MAML3: variants seen among roughly 807,000 people sequenced by gnomAD.
MAML3 encodes the protein mastermind-like protein 3.
Under a neutral mutation model 101.9 loss-of-function variants are expected in MAML3, and 27 were observed. The observed-to-expected ratio is 0.27, with a 90% confidence interval of 0.20 to 0.37. MAML3 has a LOEUF of 0.37. Ranked by LOEUF, MAML3 falls within the 10% of genes least tolerant of loss-of-function variation. MAML3 has a pLI of 1.00. For missense variants in MAML3, 1,316 were observed against 1,444.9 expected (o/e 0.91, Z 1.45); for synonymous variants, 501 against 555.9 (o/e 0.90, Z 1.39).
At chr4:139,761,590 A>G (rs561290427) in intron 2 of MAML3, among the ~76,000 whole-genome samples, 1 of 152,332 alleles carries the variant, frequency 6.6e-6, no homozygotes, top group South Asian at 2.1e-4. Context: ...ACAGATGCAT[A>G]TTCATCCAGC....
At chr4:140,021,633 C>A (rs1292455397) in intron 1 of MAML3, among the ~76,000 whole-genome samples, 2 of 152,140 alleles carry the variant, frequency 1.3e-5, no homozygotes, top group African/African-American at 4.8e-5. Context: ...TCTCTTCCCT[C>A]TCTGATTCCT....
chr4:140,115,210 TGAGTTAGCACTATTTTTGA>T (rs1728499051), intron 1 of MAML3, among the ~76,000 whole-genome samples: 2 of 152,250 alleles, frequency 1.3e-5, no homozygotes, highest in Admixed American at 1.3e-4. Context: ...AACTTCCATA[TGAGTTAGCACTATTTTTGA>T]GTTATTCATA....
At chr4:140,095,749 G>C (rs1728149225) in intron 1 of MAML3, among the ~76,000 whole-genome samples, 1 of 151,986 alleles carries the variant, frequency 6.6e-6, no homozygotes, top group African/African-American at 2.4e-5. Flanking sequence ...CTTGCAGCAG[G>C]GACCTGCACT....
At position 140,091,548 on chromosome 4, in the gene MAML3, C is replaced by CA. The variant is rs58455997; in HGVS notation, c.468+61311dup. Among the ~76,000 whole-genome samples the CA allele has an allele frequency of 6.4e-3, 779 of 121,094 alleles. 26 individuals carry two copies. Among genetic ancestry groups the CA allele is most frequent in the African/African-American group, 0.022 (695 of 32,032 alleles). 79.4% of individuals were successfully genotyped at this position (121,094 alleles called of 152,430 possible). A position where few individuals can be genotyped will look rare whatever the true frequency, so the allele number is the denominator to read the frequency against. ...ACAAAACAACAAAACAAAAACAAAA[C>CA]AAAAAAAAAAAACAGGACCAAGGAC... On this transcript the variant is annotated intron_variant, in intron 1 of 4. Transcript: ENST00000509479.
chr4:139,754,356 C>G (rs775197518), intron 2 of MAML3, among the ~76,000 whole-genome samples: 2 of 152,182 alleles, frequency 1.3e-5, no homozygotes, highest in Non-Finnish European at 2.9e-5. Context: ...AATGGGAAAG[C>G]AAAATCACTG....
chr4:139,918,643 T>C (rs1237805928), intron 1 of MAML3, among the ~76,000 whole-genome samples: 1 of 152,258 alleles, frequency 6.6e-6, no homozygotes, highest in Non-Finnish European at 1.5e-5. Context: ...CATTTGAGTG[T>C]AAGCTCCTTG....
intron 1 of MAML3, among the ~76,000 whole-genome samples, chr4:139,968,225 C>G (rs1734173069): frequency 6.7e-6 from 1 of 149,906 alleles, no homozygotes; most frequent in Non-Finnish European, 1.5e-5. Flanking sequence ...GCATGAGAAT[C>G]ACTGAACCTC....
chr4:139,883,086 C>T (rs565857521), intron 2 of MAML3, among the ~76,000 whole-genome samples: 28 of 152,146 alleles, frequency 1.8e-4, no homozygotes, highest in Non-Finnish European at 3.1e-4. Flanking sequence ...GGTGGTGAAA[C>T]GTTCCAAGAA....
chr4:139,860,240 G>C (rs1356597557), intron 2 of MAML3, among the ~76,000 whole-genome samples: 1 of 152,220 alleles, frequency 6.6e-6, no homozygotes. Context: ...GCGCCCAAAA[G>C]AGGAGGCCTG....
At chr4:140,023,466 G>A (rs1202232508) in intron 1 of MAML3, among the ~76,000 whole-genome samples, 1 of 152,084 alleles carries the variant, frequency 6.6e-6, no homozygotes. Flanking sequence ...CCTAGACAAT[G>A]GATCTTTTAC....
At chr4:139,985,790 T>C (rs1734528040) in intron 1 of MAML3, among the ~76,000 whole-genome samples, 1 of 152,244 alleles carries the variant, frequency 6.6e-6, no homozygotes, top group South Asian at 2.1e-4. Context: ...AATTCTACCA[T>C]GTGCTACAGA....
intron 2 of MAML3, among the ~76,000 whole-genome samples, chr4:139,846,528 T>C (rs1017537270): frequency 6.6e-6 from 1 of 152,046 alleles, no homozygotes; most frequent in African/African-American, 2.4e-5. Flanking sequence ...TTGTATTTTT[T>C]GCAGAGACGG....
chr4:139,798,458 G>T (rs1730554820), intron 2 of MAML3, among the ~76,000 whole-genome samples: 1 of 152,124 alleles, frequency 6.6e-6, no homozygotes, highest in Non-Finnish European at 1.5e-5. Context: ...AAGTTGTCAG[G>T]CAATACTCTG....
chr4:140,079,733 C>T (rs1727834330), intron 1 of MAML3, among the ~76,000 whole-genome samples: 1 of 152,186 alleles, frequency 6.6e-6, no homozygotes, highest in Admixed American at 6.5e-5. Context: ...GTTAATATTT[C>T]CCAAATGACC....
At chr4:139,947,226 C>A (rs1022645604) in intron 1 of MAML3, among the ~76,000 whole-genome samples, 1 of 152,092 alleles carries the variant, frequency 6.6e-6, no homozygotes, top group African/African-American at 2.4e-5. Context: ...TTTATCCTTG[C>A]CTTGTCCTTC....
chr4:139,935,785 G>A (rs1733496229), intron 1 of MAML3, among the ~76,000 whole-genome samples: 1 of 151,858 alleles, frequency 6.6e-6, no homozygotes, highest in African/African-American at 2.4e-5. Context: ...CATTTAAGGT[G>A]CACAACATGA....
chr4:139,989,507 C>G (rs953235562), intron 1 of MAML3, among the ~76,000 whole-genome samples: 4 of 152,100 alleles, frequency 2.6e-5, no homozygotes, highest in Admixed American at 2.0e-4. Context: ...CTGAATGTGT[C>G]TAACCTTTCA....
intron 1 of MAML3, among the ~76,000 whole-genome samples, chr4:139,986,696 C>T (rs1054517428): frequency 2.0e-5 from 3 of 151,860 alleles, no homozygotes; most frequent in Non-Finnish European, 4.4e-5. Context: ...AGAGGTGAAC[C>T]GGAGAGCAAA....
chr4:139,953,308 A>G (rs1443601593), intron 1 of MAML3, among the ~76,000 whole-genome samples: 1 of 152,214 alleles, frequency 6.6e-6, no homozygotes, highest in African/African-American at 2.4e-5. Context: ...TATCGTAGGC[A>G]TATGTTAACC....
Sources: allele counts gnomAD v4.1 joint callset (sites outside exome capture counted in the v4.1 genomes callset), GRCh38; gene constraint gnomAD v4.1.1; transcripts MANE v1.5; gene names NCBI Gene and HGNC (gene_info 2026-07-23, HGNC 2026-07-21).